TECR: variants seen among roughly 807,000 people sequenced by gnomAD.
TECR encodes very-long-chain enoyl-CoA reductase.
TECR carries 19 observed loss-of-function variants against 50.6 expected under a neutral mutation model. The observed-to-expected ratio is 0.38, with a 90% CI of 0.26 to 0.55. TECR has a LOEUF of 0.55. Ranked by LOEUF, TECR falls within the 20% of genes least tolerant of loss-of-function variation. TECR has a pLI of 0.79. For missense variants in TECR, 313 were observed against 408.3 expected (o/e 0.77, Z 2.01); for synonymous variants, 168 against 163.5 (o/e 1.03, Z -0.21).
chr19:14,536,050 C>G (rs2072886183), intron 1 of TECR, among the ~76,000 whole-genome samples: 1 of 152,044 alleles, frequency 6.6e-6, no homozygotes, highest in African/African-American at 2.4e-5. Context: ...TCTGGTTTAA[C>G]TTCTGTAAAG....
At chr19:14,556,697 G>A (rs1329154152) in intron 1 of TECR, among the ~76,000 whole-genome samples, 4 of 152,160 alleles carry the variant, frequency 2.6e-5, no homozygotes, top group African/African-American at 4.8e-5. Context: ...TTGGCTGGTG[G>A]CAGGGCCAGG....
Position 14,562,534 on chromosome 19 carries a change from C to T in TECR, c.25C>T (p.Leu9=), listed in dbSNP as rs761725004. The T allele has an allele frequency of 1.2e-6, 2 of 1,614,236 alleles. No individual in the cohort carries two copies. Among genetic ancestry groups the T allele is most frequent in the Admixed American group, 1.7e-5 (1 of 60,030 alleles). MKHYEVEI[L]DAKTREKLCF... ...TGTTCTCTTCTTCGAGGTGGAGATT[C>T]TGGACGCAAAGACAAGGGAGAAGCT... Residue 9 remains leucine (L), a synonymous_variant, in exon 2 of 13, where the codon CTG becomes TTG. Coordinates refer to ENST00000215567, the MANE Select transcript of TECR (RefSeq NM_138501.6).
upstream of TECR, chr19:14,529,458 T>C (rs2072523680): frequency 9.3e-6 from 6 of 642,766 alleles, no homozygotes; most frequent in Admixed American, 2.4e-5. Context: ...GCAAGTTGAT[T>C]GGTCAATCCC....
chr19:14,563,893 G>C lies in TECR; in HGVS notation c.257G>C (p.Ser86Thr). Residue 86 changes from serine to threonine, a missense_variant, in exon 5 of 13, where the codon AGC becomes ACC. By Grantham distance (58) the Ser-to-Thr change is moderately conservative. Transcript: ENST00000215567. The surrounding 1 kb of genome is among the most constrained non-coding windows in gnomAD (Gnocchi z 5.3). ...LYFRDLGAQISWVTVFLTEYA... is the reference protein window; with the variant it reads ...LYFRDLGAQITWVTVFLTEYA... ...TTCCGGGACCTGGGGGCCCAGATCAGCTGGGTGACGGTGAGTCCTGACCCT... is the reference window on the plus strand; with the variant it reads ...TTCCGGGACCTGGGGGCCCAGATCACCTGGGTGACGGTGAGTCCTGACCCT... 2 of 1,614,066 alleles carry C rather than the reference G, an allele frequency of 1.2e-6. No individual in the cohort carries two copies. Among genetic ancestry groups the C allele is most frequent in the Non-Finnish European group, 1.7e-6 (2 of 1,179,956 alleles).
At chr19:14,559,540 C>A (rs2073842697) in intron 1 of TECR, among the ~76,000 whole-genome samples, 1 of 152,052 alleles carries the variant, frequency 6.6e-6, no homozygotes, top group South Asian at 2.1e-4. Context: ...ATAATCCTAG[C>A]ACTTTGGGAG....
At chr19:14,536,297 TCCC>T (rs2072896961) in intron 1 of TECR, among the ~76,000 whole-genome samples, 1 of 141,694 alleles carries the variant, frequency 7.1e-6, no homozygotes, top group Non-Finnish European at 1.5e-5. Context: ...TGAGACAGAG[TCCC>T]CCTCTGTTGC....
Position 14,563,268 on chromosome 19 carries a change from G to C in TECR, c.118+11G>C. 6.2e-7 allele frequency: 1 copy of C among 1,609,852 alleles called. No individual in the cohort carries two copies. The highest frequency in any genetic ancestry group is 8.5e-7 in the Non-Finnish European group (1 of 1,176,200). On this transcript the variant is annotated intron_variant, in intron 3 of 12. Coordinates refer to ENST00000215567, the MANE Select transcript of TECR (RefSeq NM_138501.6). This position sits in a 1 kb window ranked among gnomAD's most constrained non-coding sequence, Gnocchi z 5.3. ...TCTTCACTAAGACCCGTGAGTTCTA[G>C]TCCCGGCCACACTGCCCCTGCAACC...
At chr19:14,559,667 A>G (rs1380177516) in intron 1 of TECR, among the ~76,000 whole-genome samples, 3 of 151,940 alleles carry the variant, frequency 2.0e-5, no homozygotes, top group Admixed American at 1.3e-4. Flanking sequence ...TGTGCCTGTA[A>G]TCCCAGCTAC....
chr19:14,549,359 T>C (rs888363955), intron 1 of TECR, among the ~76,000 whole-genome samples: 26 of 151,896 alleles, frequency 1.7e-4, no homozygotes, highest in African/African-American at 3.1e-4. Context: ...ACTACAGGCA[T>C]GCGCCACCAT....
intron 7 of TECR, 90 bp downstream of exon 7, chr19:14,564,377 T>G: frequency 2.2e-6 from 2 of 927,834 alleles, no homozygotes; most frequent in Non-Finnish European, 3.0e-6. Flanking sequence ...AGGCCCTTCC[T>G]GTCTGCCACT....
At chr19:14,545,473 T>C (rs1191046680) in intron 1 of TECR, among the ~76,000 whole-genome samples, 1 of 152,064 alleles carries the variant, frequency 6.6e-6, no homozygotes, top group African/African-American at 2.4e-5. Context: ...AATAGGTGCT[T>C]TGTTCATGTC....
At chr19:14,533,346 G>A (rs1599409098) in intron 1 of TECR, among the ~76,000 whole-genome samples, 1 of 151,972 alleles carries the variant, frequency 6.6e-6, no homozygotes, top group Non-Finnish European at 1.5e-5. Flanking sequence ...CTTCAACCTG[G>A]GAGGTGGAGG....
At chr19:14,559,687 T>G (rs976632536) in intron 1 of TECR, among the ~76,000 whole-genome samples, 5 of 151,744 alleles carry the variant, frequency 3.3e-5, no homozygotes, top group Admixed American at 1.3e-4. Context: ...CTCTGGAGGC[T>G]GAGGCAGGAG....
intron 1 of TECR, chr19:14,532,249 A>G (rs1210959068): frequency 6.6e-6 from 1 of 152,160 alleles, no homozygotes; most frequent in Non-Finnish European, 1.5e-5. Flanking sequence ...TCTCCCAGAA[A>G]GAAGGGGGAG....
intron 1 of TECR, among the ~76,000 whole-genome samples, chr19:14,533,068 C>T (rs190933791): frequency 3.1e-4 from 47 of 151,448 alleles, no homozygotes; most frequent in Non-Finnish European, 5.5e-4. Context: ...GCTGAGATCA[C>T]GCCACTGTAC....
At chr19:14,535,390 C>T (rs1402026608) in intron 1 of TECR, among the ~76,000 whole-genome samples, 1 of 149,672 alleles carries the variant, frequency 6.7e-6, no homozygotes, top group Non-Finnish European at 1.5e-5. Context: ...TACCTGTAGT[C>T]CCAGCTACTT....
chr19:14,540,628 G>A (rs1219526625), intron 1 of TECR, among the ~76,000 whole-genome samples: 1 of 151,924 alleles, frequency 6.6e-6, no homozygotes, highest in Non-Finnish European at 1.5e-5. Context: ...CTGACCACAA[G>A]TGATCCACCT....
intron 1 of TECR, among the ~76,000 whole-genome samples, chr19:14,541,170 G>T (rs541966192): frequency 2.0e-5 from 3 of 152,238 alleles, no homozygotes; most frequent in African/African-American, 4.8e-5. Context: ...TAGAGACGCA[G>T]TCTCACCGTG....
intron 1 of TECR, among the ~76,000 whole-genome samples, chr19:14,558,442 G>GGCTCT (rs1289035039): frequency 6.6e-6 from 1 of 152,194 alleles, no homozygotes. Flanking sequence ...GCCGCACCGT[G>GGCTCT]TGTCCTGGCT....
Sources: gnomAD v4.1 joint callset for allele counts (sites outside exome capture counted in the v4.1 genomes callset) on GRCh38, gnomAD v4.1.1 for gene constraint, Gnocchi (gnomAD v3.1) non-coding constraint, MANE v1.5 for transcripts, NCBI Gene and HGNC (gene_info 2026-07-23, HGNC 2026-07-21) for gene names.